Variants in IWS1 observed in about 807,000 individuals in gnomAD.
The protein encoded by IWS1 is protein IWS1 homolog.
IWS1 carries 27 observed loss-of-function variants against 86.7 expected under a neutral mutation model. That is an observed-to-expected ratio of 0.31 (90% CI 0.23 to 0.43). The LOEUF (loss-of-function observed/expected upper bound fraction) is 0.43, where lower values mean the gene tolerates loss of function less well. IWS1 is among the 20% of genes least tolerant of loss of function. The pLI is 1.00. For missense variants in IWS1, 827 were observed against 1,000.8 expected (o/e 0.83, Z 2.34); for synonymous variants, 313 against 335.1 (o/e 0.93, Z 0.72).
intron 13 of IWS1, 125 bp downstream of exon 13, chr2:127,486,428 C>A (rs1689935121): frequency 1.5e-6 from 1 of 675,792 alleles, no homozygotes; most frequent in Non-Finnish European, 2.6e-6. Context: ...AGATAAGCGA[C>A]CAGAAAACAG....
Position 127,492,086 on chromosome 2 carries a change from C to T in IWS1, c.1932G>A (p.Leu644=), listed in dbSNP as rs879739156. The T allele has an allele frequency of 9.3e-6, 15 of 1,606,910 alleles. No individual in the cohort carries two copies. The highest frequency in any genetic ancestry group is 1.0e-5 in the Non-Finnish European group (12 of 1,173,528). ...TCAGGGTCTCCTGGCTCACACTAGGCAGCTGGGGAACATAAACACATACAC... is the reference window on the plus strand; with the variant it reads ...TCAGGGTCTCCTGGCTCACACTAGGTAGCTGGGGAACATAAACACATACAC... ...REELLKILQE[L]PSVSQETLKH... is the part of the protein sequence containing the mutation. Residue 644 remains leucine (L), a splice_region_variant and synonymous_variant, in exon 10 of 14, where the codon CTG becomes CTA. Transcript: ENST00000295321.
chr2:127,487,987 C>CGGG (rs911128198), intron 12 of IWS1: 1 of 152,412 alleles, frequency 6.6e-6, no homozygotes, highest in African/African-American at 2.4e-5. Flanking sequence ...TCCTCTAGCT[C>CGGG]ATCCCCTATT....
In IWS1 at chr2:127,526,261, C is replaced by T; in HGVS notation, c.-53G>A. ...CCGCGCCCCGCGCCGCCCCCGTCAC[C>T]TCCTTCCAGGCGGTGTGACCCCGGA... On this transcript the variant is annotated 5_prime_UTR_variant, in exon 1 of 14. Coordinates refer to ENST00000295321, the MANE Select transcript of IWS1 (RefSeq NM_017969.3). The T allele has an allele frequency of 6.5e-7, 1 of 1,548,710 alleles. No homozygotes were observed. Among genetic ancestry groups the T allele is most frequent in the Non-Finnish European group, 8.7e-7 (1 of 1,147,632 alleles).
Position 127,489,165 on chromosome 2 carries a change from C to T in IWS1, c.2216+14G>A, listed in dbSNP as rs1477705578. The T allele has an allele frequency of 1.9e-6, 3 of 1,596,002 alleles. No individual in the cohort carries two copies. The highest frequency in any genetic ancestry group is 1.1e-5 in the South Asian group (1 of 90,132). On this transcript the variant is annotated intron_variant, in intron 12 of 13. Transcript: ENST00000295321. This position sits in a 1 kb window ranked among gnomAD's most constrained non-coding sequence, Gnocchi z 4.8. ...TATATAGTCTAGGAAGAAAAATTAA[C>T]ATTAAAACCTTACTTCTCCTCTCCT... is the stretch of plus-strand genomic sequence containing the variant.
At position 127,523,776 on chromosome 2, in the gene IWS1, G is replaced by A; in HGVS notation, c.50C>T (p.Thr17Ile). ...SGDQSDDGGA[T>I]PVQDERDSGS... ...TGAATCCCGTTCATCCTGTACTGGG[G>A]TAGCACCACCATCATCTGATTAAAA... The change falls in exon 2 of 14, where the codon ACC (threonine) becomes ATC (isoleucine). Residue 17 changes from threonine (T) to isoleucine (I), a missense_variant. Coordinates refer to ENST00000295321, the MANE Select transcript of IWS1 (RefSeq NM_017969.3). The A allele has an allele frequency of 6.2e-7, 1 of 1,611,958 alleles. No homozygotes were observed. Among genetic ancestry groups the A allele is most frequent in the Non-Finnish European group, 8.5e-7 (1 of 1,179,136 alleles).
Position 127,503,398 on chromosome 2 carries a change from G to T in IWS1, c.1398C>A (p.Gly466=). ...KDLFGSDSES[G]NEEENLIADI... ...ATACTGTCACTTACTCTTCTTCATTGCCTGACTCACTGTCACTCCCAAACA... is the reference window on the plus strand; with the variant it reads ...ATACTGTCACTTACTCTTCTTCATTTCCTGACTCACTGTCACTCCCAAACA... The change falls in exon 4 of 14, where the codon GGC becomes GGA. Residue 466 remains glycine, a synonymous_variant. Coordinates refer to ENST00000295321, the MANE Select transcript of IWS1 (RefSeq NM_017969.3). 3 of 1,610,448 alleles carry T rather than the reference G, an allele frequency of 1.9e-6. No individual in the cohort carries two copies. Among genetic ancestry groups the T allele is most frequent in the Non-Finnish European group, 2.5e-6 (3 of 1,178,310 alleles).
chr2:127,498,783 T>G (rs1415819561), intron 5 of IWS1: 1 of 152,196 alleles, frequency 6.6e-6, no homozygotes, highest in Non-Finnish European at 1.5e-5. Context: ...AGCAAAGATA[T>G]CAAACATTGA....
intron 13 of IWS1, chr2:127,486,084 T>C (rs1689915071): frequency 6.5e-6 from 1 of 154,510 alleles, no homozygotes; most frequent in African/African-American, 2.4e-5. Flanking sequence ...TGAGAAACAC[T>C]GAAGATCCAC....
intron 2 of IWS1, among the ~76,000 whole-genome samples, chr2:127,513,863 C>T (rs1056650674): frequency 6.6e-6 from 1 of 152,064 alleles, no homozygotes; most frequent in Non-Finnish European, 1.5e-5. Context: ...TAAACTAGGA[C>T]CTAGAATCAC....
chr2:127,483,571 C>CGG (rs1419283644), intron 13 of IWS1, among the ~76,000 whole-genome samples: 6,914 of 19,994 alleles, frequency 0.35, 2,056 homozygotes, highest in Middle Eastern at 0.55. Flanking sequence ...ATAATTTGGT[C>CGG]GGGGCGGGGG....
Position 127,497,961 on chromosome 2 carries a change from A to C in IWS1, c.1565+179T>G, listed in dbSNP as rs78905056. 9.5e-3 allele frequency among the ~76,000 whole-genome samples: 1,444 copies of C among 152,320 alleles called. 15 individuals carry two copies. Among genetic ancestry groups the C allele is most frequent in the African/African-American group, 0.033 (1,369 of 41,566 alleles). On this transcript the variant is annotated intron_variant, in intron 6 of 13. Coordinates refer to ENST00000295321, the MANE Select transcript of IWS1 (RefSeq NM_017969.3). ...AAGTAAGACATCTGAGCACAGGGTAAATGAAAGACAAGTAACAACAGCAGG... is the reference window on the plus strand; with the variant it reads ...AAGTAAGACATCTGAGCACAGGGTACATGAAAGACAAGTAACAACAGCAGG...
At position 127,489,387 on chromosome 2, in the gene IWS1, C is replaced by A. The variant is rs554080199; in HGVS notation, c.2160-152G>T. On this transcript the variant is annotated intron_variant, in intron 11 of 13. Coordinates refer to ENST00000295321, the MANE Select transcript of IWS1 (RefSeq NM_017969.3). This position sits in a 1 kb window ranked among gnomAD's most constrained non-coding sequence, Gnocchi z 4.8. ...AATTCCTAATCTTTAAAAAGTACTA[C>A]TCATTTTAGTATTCATTTGCATAAC... is the stretch of plus-strand genomic sequence containing the variant. The A allele has an allele frequency of 3.2e-6, 2 of 619,264 alleles. No homozygotes were observed. The highest frequency in any genetic ancestry group is 5.8e-6 in the Non-Finnish European group (2 of 347,520). The allele number at this position is 619,264 out of a possible 1,614,324, so 38.4% of individuals were successfully genotyped here. A position where few individuals can be genotyped will look rare whatever the true frequency, so the allele number is the denominator to read the frequency against.
At chr2:127,500,085 T>C (rs901890627) in intron 5 of IWS1, among the ~76,000 whole-genome samples, 1 of 152,166 alleles carries the variant, frequency 6.6e-6, no homozygotes, top group Non-Finnish European at 1.5e-5. Flanking sequence ...GTCTTCACCA[T>C]AAAGAAAAAG....
rs774509840 is a variant in IWS1, at chr2:127,504,640, CAATG to C, written c.1219+40_1219+43del. On this transcript the variant is annotated intron_variant, in intron 3 of 13. Transcript: ENST00000295321. Reference sequence around the variant, plus strand: ...AATGTTCCACAGTTACAAGCTTAGACAATGAATAAAGCCATTGATAAACAGCCCA... The same window carrying C: ...AATGTTCCACAGTTACAAGCTTAGACAATAAAGCCATTGATAAACAGCCCA... 29 of 1,341,838 alleles carry C rather than the reference CAATG, an allele frequency of 2.2e-5. 1 individual carries two copies. The South Asian group carries it at 3.8e-4, about 18-fold the overall frequency. The allele number at this position is 1,341,838 out of a possible 1,614,324, so 83.1% of individuals were successfully genotyped here. A position where few individuals can be genotyped will look rare whatever the true frequency, so the allele number is the denominator to read the frequency against.
At position 127,489,519 on chromosome 2, in the gene IWS1, T is replaced by C. The variant is rs987827704; in HGVS notation, c.2160-284A>G. 4.0e-6 allele frequency: 2 copies of C among 496,984 alleles called. No individual in the cohort carries two copies. Among genetic ancestry groups the C allele is most frequent in the African/African-American group, 2.0e-5 (1 of 51,018 alleles). The allele number at this position is 496,984 out of a possible 1,614,324, so 30.8% of individuals were successfully genotyped here. ...ATCAATACAAACTAAAACTATAACATTTTTTCTTCTAGGAACTCGGAAACG... is the reference window on the plus strand; with the variant it reads ...ATCAATACAAACTAAAACTATAACACTTTTTCTTCTAGGAACTCGGAAACG... On this transcript the variant is annotated intron_variant, in intron 11 of 13. Transcript: ENST00000295321. This position sits in a 1 kb window ranked among gnomAD's most constrained non-coding sequence, Gnocchi z 4.8.
rs1691128882 is a variant in IWS1 at position 127,506,000 on chromosome 2, C to T, written c.151-248G>A. Among the ~76,000 whole-genome samples the T allele has an allele frequency of 6.6e-6, 1 of 152,184 alleles. No homozygotes were observed. Among genetic ancestry groups the T allele is most frequent in the African/African-American group, 2.4e-5 (1 of 41,452 alleles). ...AAAACAGATTTGTAAAGCATGCCCT[C>T]AGATTACTACAGAAAACTGACCGTG... is the stretch of plus-strand genomic sequence containing the variant. On this transcript the variant is annotated intron_variant, in intron 2 of 13. Coordinates refer to ENST00000295321, the MANE Select transcript of IWS1 (RefSeq NM_017969.3). The surrounding 1 kb of genome is among the most constrained non-coding windows in gnomAD (Gnocchi z 5.0).
Position 127,504,772 on chromosome 2 carries a change from A to G in IWS1, c.1131T>C (p.Ser377=), listed in dbSNP as rs139425745. 6.2e-7 allele frequency: 1 copy of G among 1,613,812 alleles called. No individual in the cohort carries two copies. Among genetic ancestry groups the G allele is most frequent in the Non-Finnish European group, 8.5e-7 (1 of 1,179,994 alleles). Residue 377 remains serine (S), a synonymous_variant, in exon 3 of 14, where the codon AGT becomes AGC. Transcript: ENST00000295321. ...CCTCACCCTCTTTTTCATCTTCATC[A>G]CTGTCCATTTTTTGCTTTTTGTGTT... ...EEEHKKQKMD[S]DEDEKEGEEE... is the part of the protein sequence containing the mutation.
At chr2:127,487,094 ATAAAG>A (rs1209807217) in intron 12 of IWS1, among the ~76,000 whole-genome samples, 5 of 152,242 alleles carry the variant, frequency 3.3e-5, no homozygotes, top group African/African-American at 1.2e-4. Context: ...CAGTATGCCT[ATAAAG>A]TAGTTTTTCA....
At position 127,505,665 on chromosome 2, in the gene IWS1, T is replaced by C. The variant is rs1691103890; in HGVS notation, c.238A>G (p.Ser80Gly). The stretch of plus-strand genomic sequence containing the variant: ...TGAAGCTCCTCACTTTCAGAGTCAC[T>C]AGCATTAAGATTTAAGGGCTCATCG... ...ENDEPLNLNA[S>G]DSESEELHRQ... The change falls in exon 3 of 14, where the codon AGT becomes GGT. Residue 80 changes from serine (S) to glycine (G), a missense_variant. Ser to Gly is a moderately conservative substitution (Grantham distance 56, BLOSUM62 0). Transcript: ENST00000295321. The surrounding 1 kb of genome is among the most constrained non-coding windows in gnomAD (Gnocchi z 5.0). The C allele has an allele frequency of 1.9e-6, 3 of 1,609,790 alleles. No individual in the cohort carries two copies. Among genetic ancestry groups the C allele is most frequent in the Non-Finnish European group, 2.5e-6 (3 of 1,177,746 alleles).
Sources: gnomAD v4.1 joint callset for allele counts (sites outside exome capture counted in the v4.1 genomes callset) on GRCh38, gnomAD v4.1.1 for gene constraint, Gnocchi (gnomAD v3.1) non-coding constraint, MANE v1.5 for transcripts, NCBI Gene and HGNC (gene_info 2026-07-23, HGNC 2026-07-21) for gene names.